SUPT20H: variants seen among roughly 807,000 people sequenced by gnomAD.
SUPT20H encodes SPT20 homolog, SAGA complex component.
SUPT20H carries 82 observed loss-of-function variants against 122.8 expected under a neutral mutation model. That is an observed-to-expected ratio of 0.67 (90% CI 0.56 to 0.80). SUPT20H has a LOEUF of 0.80. Ranked by LOEUF, SUPT20H falls within the 30% of genes least tolerant of loss-of-function variation. SUPT20H has a pLI of 0.00. For missense variants in SUPT20H, 831 were observed against 921.6 expected (o/e 0.90, Z 1.27); for synonymous variants, 291 against 313.0 (o/e 0.93, Z 0.74).
chr13:37,013,533 AG>A (rs1408204794), intron 23 of SUPT20H: 1 of 152,074 alleles, frequency 6.6e-6, no homozygotes, highest in Non-Finnish European at 1.5e-5. Context: ...TAAAACTGTT[AG>A]AAAAAAAACA....
intron 23 of SUPT20H, among the ~76,000 whole-genome samples, chr13:37,015,263 A>G (rs2060248877): frequency 6.6e-6 from 1 of 151,860 alleles, no homozygotes; most frequent in African/African-American, 2.4e-5. Flanking sequence ...CATCTGATAT[A>G]TGTGTATATG....
In SUPT20H at chr13:37,012,172, A is replaced by G. The variant is rs780005132; in HGVS notation, c.2098+20T>C. On this transcript the variant is annotated intron_variant, in intron 24 of 25. Coordinates refer to ENST00000350612, the MANE Select transcript of SUPT20H (RefSeq NM_001014286.3). ...GATATGTTTAGTAAATTCAGCATAT[A>G]AAGTTATGAAGATACCTACCAGCTG... The G allele has an allele frequency of 2.5e-6, 4 of 1,568,916 alleles. No individual in the cohort carries two copies. The Admixed American group carries it at 6.7e-5, about 26-fold the overall frequency.
chr13:37,041,907 G>A (rs2065538498), intron 7 of SUPT20H, among the ~76,000 whole-genome samples: 1 of 152,208 alleles, frequency 6.6e-6, no homozygotes, highest in Admixed American at 6.5e-5. Context: ...GATTGTATGT[G>A]CAGATAGAAA....
intron 9 of SUPT20H, chr13:37,037,987 TCCTATAAA>T (rs1457902570): frequency 6.6e-6 from 1 of 152,092 alleles, no homozygotes; most frequent in African/African-American, 2.4e-5. Flanking sequence ...TTCACTGAAT[TCCTATAAA>T]CTGCTAGTTA....
At chr13:37,039,527 T>C (rs2065092212) in intron 9 of SUPT20H, 1 of 152,180 alleles carries the variant, frequency 6.6e-6, no homozygotes. Flanking sequence ...TTGAGAAAGT[T>C]AGCCAAAGCT....
intron 15 of SUPT20H, 59 bp from the exon 16 acceptor site, chr13:37,026,295 A>C: frequency 8.3e-7 from 1 of 1,211,676 alleles, no homozygotes; most frequent in Non-Finnish European, 1.1e-6. Flanking sequence ...TGTCTTAAGA[A>C]GGCTTGGGAT....
At chr13:37,053,607 G>T (rs1435799205) in intron 1 of SUPT20H, among the ~76,000 whole-genome samples, 2 of 151,626 alleles carry the variant, frequency 1.3e-5, no homozygotes, top group African/African-American at 4.9e-5. Context: ...GGGTTGATAG[G>T]TACAGCAAAC....
chr13:37,053,922 A>G (rs1441587409), intron 1 of SUPT20H, among the ~76,000 whole-genome samples: 1 of 152,204 alleles, frequency 6.6e-6, no homozygotes, highest in Non-Finnish European at 1.5e-5. Context: ...GCAATAAAAA[A>G]TGATAAAGGG....
chr13:37,038,802 C>A (rs2138508671), intron 9 of SUPT20H: 1 of 152,278 alleles, frequency 6.6e-6, no homozygotes, highest in East Asian at 1.9e-4. Flanking sequence ...CATGTCTGAA[C>A]AGAACCTAGT....
chr13:37,057,597 G>A (rs1364086710), intron 1 of SUPT20H, among the ~76,000 whole-genome samples: 3 of 151,852 alleles, frequency 2.0e-5, no homozygotes, highest in Admixed American at 1.3e-4. Flanking sequence ...AGCACTTTGG[G>A]AGGCAGAGGC....
chr13:37,029,936 A>G, intron 12 of SUPT20H, 100 bp from the exon 13 acceptor site: 1 of 842,450 alleles, frequency 1.2e-6, no homozygotes, highest in East Asian at 2.9e-5. Context: ...GTAACTCGAC[A>G]ATACAATATA....
rs770406704 is a variant in SUPT20H at position 37,021,553 on chromosome 13, T to A, written c.1711A>T (p.Thr571Ser). ...ATTCCTGCAGGAGTTATGGCACCAG[T>A]GTTACAGCCCAGCATGGGGTTTGAA... Reference protein sequence around the residue: ...SGSNPMLGCNTGAITPAGINL... With the variant: ...SGSNPMLGCNSGAITPAGINL... Residue 571 changes from threonine (T) to serine (S), a missense_variant, in exon 21 of 26, where the codon ACT becomes TCT. Physicochemically the swap from Thr to Ser is moderately conservative, Grantham distance 58. Coordinates refer to ENST00000350612, the MANE Select transcript of SUPT20H (RefSeq NM_001014286.3). 6.2e-7 allele frequency: 1 copy of A among 1,613,644 alleles called. No individual in the cohort carries two copies. Among genetic ancestry groups the A allele is most frequent in the South Asian group, 1.1e-5 (1 of 91,036 alleles).
chr13:37,024,439 T>G lies in SUPT20H; in HGVS notation c.1333A>C (p.Thr445Pro). Residue 445 changes from threonine (T) to proline (P), a missense_variant, in exon 18 of 26, where the codon ACT (threonine) becomes CCT (proline). Coordinates refer to ENST00000350612, the MANE Select transcript of SUPT20H (RefSeq NM_001014286.3). ...QVSPGKETDQTETVSVQSSVL... is the reference protein window; with the variant it reads ...QVSPGKETDQPETVSVQSSVL... ...GAAGACTGAACTGACACGGTTTCAG[T>G]TTGCTAAAAGACAATGACATTAAGC... The G allele has an allele frequency of 1.9e-6, 3 of 1,551,800 alleles. No homozygotes were observed. Among genetic ancestry groups the G allele is most frequent in the Non-Finnish European group, 2.6e-6 (3 of 1,152,780 alleles).
At chr13:37,015,812 A>G (rs1438935140) in intron 23 of SUPT20H, among the ~76,000 whole-genome samples, 1 of 152,190 alleles carries the variant, frequency 6.6e-6, no homozygotes, top group Non-Finnish European at 1.5e-5. Flanking sequence ...GATAAACAAA[A>G]TATGGTATAT....
chr13:37,051,322 C>T (rs1199974), intron 2 of SUPT20H, among the ~76,000 whole-genome samples, 166 bp downstream of exon 2: 141,174 of 152,256 alleles, frequency 0.93, 65,552 homozygotes, highest in East Asian at 1. Flanking sequence ...GAGCAATATA[C>T]TTTATAGAGA....
In SUPT20H at chr13:37,031,741, T is replaced by A. The variant is rs1180160017; in HGVS notation, c.862A>T (p.Asn288Tyr). Reference sequence around the variant, plus strand: ...TCATTTAAAATATATATACTTACATTTCCTGCCTTAGAAATTTTGAGGTCA... The same window carrying A: ...TCATTTAAAATATATATACTTACATATCCTGCCTTAGAAATTTTGAGGTCA... ...HYDLKISKAGNCVDMWKRSPC... is the reference protein window; with the variant it reads ...HYDLKISKAGYCVDMWKRSPC... The change falls in exon 11 of 26, where the codon AAT (asparagine) becomes TAT (tyrosine). Residue 288 changes from asparagine to tyrosine, a missense_variant and splice_region_variant. Asn to Tyr is a moderately radical substitution (Grantham distance 143). Transcript: ENST00000350612. The A allele has an allele frequency of 6.3e-7, 1 of 1,588,810 alleles. No individual in the cohort carries two copies. Among genetic ancestry groups the A allele is most frequent in the Non-Finnish European group, 8.5e-7 (1 of 1,172,664 alleles).
At chr13:37,055,168 A>G (rs1034329282) in intron 1 of SUPT20H, among the ~76,000 whole-genome samples, 1 of 152,240 alleles carries the variant, frequency 6.6e-6, no homozygotes, top group Non-Finnish European at 1.5e-5. Context: ...GGAAGAATCA[A>G]TATCGTGAAA....
intron 6 of SUPT20H, among the ~76,000 whole-genome samples, chr13:37,044,996 C>A (rs2066159737): frequency 6.6e-6 from 1 of 151,644 alleles, no homozygotes; most frequent in South Asian, 2.1e-4. Flanking sequence ...TATAATTGGA[C>A]TTGAAAGACA....
intron 9 of SUPT20H, among the ~76,000 whole-genome samples, chr13:37,034,008 A>C (rs2063887499): frequency 6.6e-6 from 1 of 152,200 alleles, no homozygotes; most frequent in Non-Finnish European, 1.5e-5. Flanking sequence ...ATGTGTACTA[A>C]ATCAAGAAAT....
Sources: gnomAD v4.1 joint callset for allele counts (sites outside exome capture counted in the v4.1 genomes callset) on GRCh38, gnomAD v4.1.1 for gene constraint, MANE v1.5 for transcripts, NCBI Gene and HGNC (gene_info 2026-07-23, HGNC 2026-07-21) for gene names.